Variants in FER observed in about 807,000 individuals in gnomAD.
FER encodes tyrosine-protein kinase Fer.
In FER, 63 loss-of-function variants were observed where a neutral mutation model predicts 111.0. That is an observed-to-expected ratio of 0.57 (90% CI 0.46 to 0.70). The LOEUF is 0.70. Among genes scored for constraint, FER ranks in the 30% least tolerant of loss-of-function variants. The pLI is 0.00. For missense variants in FER, 914 were observed against 954.0 expected (o/e 0.96, Z 0.55); for synonymous variants, 327 against 313.9 (o/e 1.04, Z -0.44).
In FER at chr5:109,052,309, G is replaced by A. The variant is rs1224904136; in HGVS notation, c.1924+5111G>A. The stretch of plus-strand genomic sequence containing the variant: ...TTGCTGAGTGTTACAACGAAAGGCA[G>A]ACTGCTCATCTCCCCAGGCTGACTC... On this transcript the variant is annotated intron_variant, in intron 16 of 19. Coordinates refer to ENST00000281092, the MANE Select transcript of FER (RefSeq NM_005246.4). 3.1e-6 allele frequency: 5 copies of A among 1,607,334 alleles called. No individual in the cohort carries two copies. The Admixed American group carries it at 5.0e-5, about 16-fold the overall frequency.
At chr5:109,055,336 T>G (rs1034577606) in intron 16 of FER, among the ~76,000 whole-genome samples, 2 of 152,168 alleles carry the variant, frequency 1.3e-5, no homozygotes, top group Non-Finnish European at 2.9e-5. Context: ...ACTGAAAAGC[T>G]TCTGCACAGC....
chr5:109,072,356 A>G (rs1581906452), intron 16 of FER, among the ~76,000 whole-genome samples: 1 of 151,062 alleles, frequency 6.6e-6, no homozygotes. Context: ...ACTTGTTGCC[A>G]TGAAAAGTAA....
intron 17 of FER, among the ~76,000 whole-genome samples, chr5:109,160,172 T>C (rs779051242): frequency 6.6e-6 from 1 of 152,134 alleles, no homozygotes; most frequent in Non-Finnish European, 1.5e-5. Flanking sequence ...AAATTAAAAA[T>C]TAGCCTATGG....
At chr5:108,872,267 T>A in intron 8 of FER, 55 bp downstream of exon 8, 1 of 1,461,398 alleles carries the variant, frequency 6.8e-7, no homozygotes, top group South Asian at 1.3e-5. Flanking sequence ...ATTGCTTTAT[T>A]GTTGTACTCA....
At chr5:109,004,510 A>G (rs923174966) in intron 13 of FER, among the ~76,000 whole-genome samples, 2 of 152,254 alleles carry the variant, frequency 1.3e-5, no homozygotes, top group Non-Finnish European at 2.9e-5. Context: ...ATAAATTTAT[A>G]TGAAAGGATA....
chr5:108,997,703 G>A (rs1384458211), intron 13 of FER, among the ~76,000 whole-genome samples: 1 of 152,086 alleles, frequency 6.6e-6, no homozygotes, highest in South Asian at 2.1e-4. Context: ...AGGCAGGGAC[G>A]GTTATGTCTG....
At chr5:108,961,819 A>G (rs568477332) in intron 13 of FER, among the ~76,000 whole-genome samples, 1 of 152,288 alleles carries the variant, frequency 6.6e-6, no homozygotes, top group South Asian at 2.1e-4. Flanking sequence ...CTTCCTTTGA[A>G]TTATTTGTAC....
At chr5:109,185,138 C>T (rs1173165299) in intron 18 of FER, among the ~76,000 whole-genome samples, 3 of 152,130 alleles carry the variant, frequency 2.0e-5, no homozygotes, top group African/African-American at 4.8e-5. Context: ...CTTTATTCCA[C>T]GTCCATCTCC....
intron 16 of FER, among the ~76,000 whole-genome samples, chr5:109,086,085 A>G (rs1192456541): frequency 6.6e-6 from 1 of 151,804 alleles, no homozygotes; most frequent in East Asian, 1.9e-4. Context: ...CTCCTTTTCT[A>G]AGAAAATTTG....
intron 13 of FER, among the ~76,000 whole-genome samples, chr5:108,971,265 C>G (rs1297947110): frequency 7.8e-6 from 1 of 127,784 alleles, no homozygotes; most frequent in African/African-American, 3.1e-5. Context: ...ATCACTTGAA[C>G]CTGTCTCAAA....
intron 17 of FER, among the ~76,000 whole-genome samples, chr5:109,102,631 A>G (rs1322909535): frequency 6.6e-6 from 1 of 152,154 alleles, no homozygotes; most frequent in African/African-American, 2.4e-5. Flanking sequence ...TAGCAACAAT[A>G]TAATGTTTTT....
At chr5:109,070,476 G>A (rs759509272) in intron 16 of FER, among the ~76,000 whole-genome samples, 7 of 148,308 alleles carry the variant, frequency 4.7e-5, no homozygotes, top group African/African-American at 7.3e-5. Context: ...AGAAAAAACT[G>A]TGAAATTTAG....
chr5:108,957,810 CTT>C (rs968511791), intron 12 of FER, among the ~76,000 whole-genome samples: 7 of 151,662 alleles, frequency 4.6e-5, no homozygotes, highest in Admixed American at 3.3e-4. Context: ...TTATTCAACT[CTT>C]TTACTCTGTG....
intron 17 of FER, among the ~76,000 whole-genome samples, chr5:109,159,165 A>G (rs778675243): frequency 5.3e-5 from 8 of 152,108 alleles, no homozygotes; most frequent in Non-Finnish European, 7.4e-5. Flanking sequence ...TGGCTTTTCT[A>G]TATTTTATCA....
chr5:108,866,973 A>G (rs1248067524), intron 5 of FER, among the ~76,000 whole-genome samples: 2 of 152,118 alleles, frequency 1.3e-5, no homozygotes, highest in Non-Finnish European at 2.9e-5. Context: ...CTTCCACATG[A>G]AGTCTAAATT....
chr5:108,859,919 C>CTTATTATTATTA (rs1185442040), intron 5 of FER, among the ~76,000 whole-genome samples: 9 of 110,284 alleles, frequency 8.2e-5, no homozygotes, highest in African/African-American at 3.5e-4. Flanking sequence ...TATGTATATA[C>CTTATTATTATTA]CTATTATTAT....
intron 13 of FER, among the ~76,000 whole-genome samples, chr5:109,028,725 A>T (rs1272929545): frequency 6.6e-6 from 1 of 152,228 alleles, no homozygotes; most frequent in Non-Finnish European, 1.5e-5. Context: ...AGACTGACTC[A>T]TGTAGGAACA....
At chr5:109,095,943 A>G (rs1286671197) in intron 16 of FER, among the ~76,000 whole-genome samples, 12 of 152,120 alleles carry the variant, frequency 7.9e-5, no homozygotes, top group Non-Finnish European at 1.6e-4. Context: ...GGAAACTGAT[A>G]TATCTTAATT....
chr5:108,773,251 A>T (rs1207332977), intron 2 of FER, among the ~76,000 whole-genome samples: 3 of 152,138 alleles, frequency 2.0e-5, no homozygotes, highest in Non-Finnish European at 4.4e-5. Context: ...ATAGGTAAAC[A>T]TGTGCCATGG....
Sources: allele counts gnomAD v4.1 joint callset (sites outside exome capture counted in the v4.1 genomes callset), GRCh38; gene constraint gnomAD v4.1.1; transcripts MANE v1.5; gene names NCBI Gene and HGNC (gene_info 2026-07-23, HGNC 2026-07-21).